The following FLT1 variants were observed in gnomAD, a reference collection of about 807,000 sequenced individuals.
FLT1 encodes the protein fms related receptor tyrosine kinase 1.
FLT1 carries 49 observed loss-of-function variants against 156.3 expected under a neutral mutation model. The observed-to-expected ratio is 0.31, with a 90% confidence interval of 0.25 to 0.40. The LOEUF (loss-of-function observed/expected upper bound fraction) is 0.40. Among genes scored for constraint, FLT1 ranks in the 10% least tolerant of loss-of-function variants. The probability of loss-of-function intolerance (pLI) is 1.00; values close to 1 mark genes in which losing one functional copy is unlikely to be tolerated. For synonymous variants in FLT1, 594 were observed against 583.8 expected, an observed-to-expected ratio of 1.02 and a Z score of -0.25; for missense variants, 1,322 against 1,637.2, an observed-to-expected ratio of 0.81 and a Z score of 3.32.
chr13:28,405,644 C>G (rs1416886633), intron 11 of FLT1, 136 bp downstream of exon 11: 1 of 688,996 alleles, frequency 1.5e-6, no homozygotes, highest in Non-Finnish European at 2.6e-6. Flanking sequence ...GAAGACATAG[C>G]TCAGATATTG....
chr13:28,458,305 A>G (rs552291208), intron 3 of FLT1, among the ~76,000 whole-genome samples: 1 of 152,296 alleles, frequency 6.6e-6, no homozygotes, highest in South Asian at 2.1e-4. Flanking sequence ...ATTCAGGACT[A>G]TGTTCATTCT....
intron 13 of FLT1, chr13:28,387,435 A>G: frequency 9.5e-7 from 1 of 1,057,146 alleles, no homozygotes; most frequent in Non-Finnish European, 1.1e-6. Context: ...TACTTGATGG[A>G]AGTAGGTAGT....
intron 3 of FLT1, among the ~76,000 whole-genome samples, chr13:28,464,238 C>G (rs565595945): frequency 1.3e-5 from 2 of 152,186 alleles, no homozygotes; most frequent in East Asian, 3.9e-4. Flanking sequence ...CTTCCTTATC[C>G]AAAAACAATC....
intron 1 of FLT1, among the ~76,000 whole-genome samples, chr13:28,494,537 C>T (rs1881647520): frequency 6.6e-6 from 1 of 152,204 alleles, no homozygotes; most frequent in South Asian, 2.1e-4. Context: ...CAGCGCGGAC[C>T]CGGTCTGAGC....
chr13:28,363,361 G>A lies in FLT1; in HGVS notation c.2117-5676C>T, dbSNP rs185262833. Among the ~76,000 whole-genome samples the A allele has an allele frequency of 1.3e-4, 20 of 152,254 alleles. No individual in the cohort carries two copies. The East Asian group carries it at 2.3e-3, about 18-fold the overall frequency. On this transcript the variant is annotated intron_variant, in intron 14 of 29. Transcript: ENST00000282397. ...GCAGACCCATTTCTGTCTTTAATAT[G>A]AAATGAGATTTATAGATACTTTATC... is the stretch of plus-strand genomic sequence containing the variant.
At chr13:28,328,632 G>C (rs1197225662) in intron 19 of FLT1, among the ~76,000 whole-genome samples, 1 of 152,244 alleles carries the variant, frequency 6.6e-6, no homozygotes, top group African/African-American at 2.4e-5. Flanking sequence ...TTCCAGAACG[G>C]GAAGTTGCTT....
chr13:28,403,544 A>C (rs896812484), intron 11 of FLT1, among the ~76,000 whole-genome samples: 6 of 152,212 alleles, frequency 3.9e-5, no homozygotes, highest in African/African-American at 1.4e-4. Flanking sequence ...ATAGGATACC[A>C]AAATAGCACT....
At chr13:28,489,244 C>T (rs767166137) in intron 1 of FLT1, among the ~76,000 whole-genome samples, 17 of 152,162 alleles carry the variant, frequency 1.1e-4, no homozygotes, top group Non-Finnish European at 5.9e-5. Flanking sequence ...GGCAGGAGCA[C>T]ATTACTATAC....
chr13:28,464,826 A>C (rs948209457), intron 3 of FLT1, among the ~76,000 whole-genome samples: 49 of 152,224 alleles, frequency 3.2e-4, no homozygotes, highest in African/African-American at 1.2e-3. Context: ...AAAATAGCTG[A>C]ACACTATTTA....
At chr13:28,308,026 C>T (rs1870826708) in intron 28 of FLT1, among the ~76,000 whole-genome samples, 1 of 152,208 alleles carries the variant, frequency 6.6e-6, no homozygotes, top group African/African-American at 2.4e-5. Context: ...CCTGCCTTGG[C>T]CTCCCAAAGT....
At chr13:28,391,513 C>T (rs1400002475) in intron 12 of FLT1, among the ~76,000 whole-genome samples, 1 of 152,194 alleles carries the variant, frequency 6.6e-6, no homozygotes, top group African/African-American at 2.4e-5. Context: ...CCTGCCTTTC[C>T]AGGCGGAACC....
At position 28,322,330 on chromosome 13, in the gene FLT1, T is replaced by A; in HGVS notation, c.2983A>T (p.Thr995Ser). 6.2e-7 allele frequency: 1 copy of A among 1,613,044 alleles called. No individual in the cohort carries two copies. The highest frequency in any genetic ancestry group is 8.5e-7 in the Non-Finnish European group (1 of 1,178,958). ...CTGTAAGAAATCAGATCTTCCATAG[T>A]GATGGGCTCCTTGTAGAAACCGTCA... ...DSDGFYKEPI[T>S]MEDLISYSFQ... The change falls in exon 22 of 30, where the codon ACT (threonine) becomes TCT (serine). Residue 995 changes from threonine to serine, a missense_variant. Coordinates refer to ENST00000282397, the MANE Select transcript of FLT1 (RefSeq NM_002019.4). This position sits in a 1 kb window ranked among gnomAD's most constrained non-coding sequence, Gnocchi z 4.3.
At chr13:28,386,945 G>A (rs1389749722) in intron 13 of FLT1, 13 of 1,044,084 alleles carry the variant, frequency 1.2e-5, no homozygotes, top group Non-Finnish European at 1.3e-5. Context: ...ACTGCCCATC[G>A]GTCTTGTAAA....
chr13:28,395,061 G>A (rs1874961408), intron 12 of FLT1, among the ~76,000 whole-genome samples: 1 of 152,138 alleles, frequency 6.6e-6, no homozygotes, highest in African/African-American at 2.4e-5. Context: ...GGGTGATTTA[G>A]TTTTTCTGCA....
intron 3 of FLT1, among the ~76,000 whole-genome samples, chr13:28,460,709 C>T (rs1445104593): frequency 7.2e-6 from 1 of 139,082 alleles, no homozygotes; most frequent in Non-Finnish European, 1.5e-5. Flanking sequence ...CACTGCTTAC[C>T]TAAATAATAG....
intron 3 of FLT1, among the ~76,000 whole-genome samples, chr13:28,462,913 C>G (rs1459705906): frequency 1.3e-5 from 2 of 152,194 alleles, no homozygotes; most frequent in African/African-American, 4.8e-5. Flanking sequence ...CGACCTCCTC[C>G]TGCCACTGAG....
At chr13:28,452,473 G>C (rs550174162) in intron 3 of FLT1, among the ~76,000 whole-genome samples, 2 of 152,276 alleles carry the variant, frequency 1.3e-5, no homozygotes, top group South Asian at 4.1e-4. Context: ...TCCCAGCAGA[G>C]GAAAGGTCCT....
At chr13:28,355,755 G>T (rs1280015552) in intron 15 of FLT1, among the ~76,000 whole-genome samples, 1 of 152,202 alleles carries the variant, frequency 6.6e-6, no homozygotes, top group Non-Finnish European at 1.5e-5. Flanking sequence ...AATCTGGAAG[G>T]CCCCACGGTG....
At chr13:28,402,657 T>C (rs764893508) in intron 11 of FLT1, among the ~76,000 whole-genome samples, 1 of 152,208 alleles carries the variant, frequency 6.6e-6, no homozygotes, top group Non-Finnish European at 1.5e-5. Context: ...AAAGTCTTCA[T>C]TGTATATGAT....
Sources: allele counts gnomAD v4.1 joint callset (sites outside exome capture counted in the v4.1 genomes callset), GRCh38; gene constraint gnomAD v4.1.1; non-coding constraint Gnocchi (gnomAD v3.1); transcripts MANE v1.5; gene names NCBI Gene and HGNC (gene_info 2026-07-23, HGNC 2026-07-21).